Variants in GATB observed in about 807,000 individuals in gnomAD.
GATB encodes glutamyl-tRNA amidotransferase subunit B, also known as glutamyl-tRNA(Gln) amidotransferase subunit B, mitochondrial.
GATB carries 39 observed loss-of-function variants against 62.3 expected under a neutral mutation model. The observed-to-expected ratio is 0.63, with a 90% confidence interval of 0.48 to 0.82. The LOEUF is 0.82. GATB is among the 40% of genes least tolerant of loss of function. The pLI, the probability that GATB is intolerant of heterozygous loss-of-function variation, is 0.00. For missense variants in GATB, 670 were observed against 684.0 expected, an observed-to-expected ratio of 0.98 and a Z score of 0.23; for synonymous variants, 276 against 258.9, an observed-to-expected ratio of 1.07 and a Z score of -0.63.
chr4:151,727,481 T>C (rs1263258226), intron 2 of GATB, among the ~76,000 whole-genome samples: 1 of 152,234 alleles, frequency 6.6e-6, no homozygotes, highest in East Asian at 1.9e-4. Context: ...GAGGTTACAG[T>C]GGTTGGTGGC....
chr4:151,758,522 T>A (rs1359168304), intron 2 of GATB, among the ~76,000 whole-genome samples: 1 of 152,226 alleles, frequency 6.6e-6, no homozygotes, highest in African/African-American at 2.4e-5. Context: ...CAAAGCCCAA[T>A]GTCTGGTATT....
chr4:151,729,281 T>C (rs1739196895), intron 2 of GATB, among the ~76,000 whole-genome samples: 1 of 149,600 alleles, frequency 6.7e-6, no homozygotes, highest in African/African-American at 2.5e-5. Context: ...GTCAATGTCA[T>C]GAAGAAAGGA....
intron 2 of GATB, among the ~76,000 whole-genome samples, chr4:151,732,149 C>T (rs1166675366): frequency 2.0e-5 from 3 of 150,782 alleles, no homozygotes; most frequent in Admixed American, 6.6e-5. Flanking sequence ...AGGTGGGGGG[C>T]GCCTCTGCCC....
intron 2 of GATB, among the ~76,000 whole-genome samples, chr4:151,744,634 G>A (rs1027680945): frequency 6.6e-6 from 1 of 152,114 alleles, no homozygotes; most frequent in African/African-American, 2.4e-5. Flanking sequence ...AATATGGTTA[G>A]GTTTCAGGTG....
At chr4:151,736,227 G>A (rs987838276) in intron 2 of GATB, among the ~76,000 whole-genome samples, 10 of 152,192 alleles carry the variant, frequency 6.6e-5, no homozygotes, top group Non-Finnish European at 1.5e-4. Context: ...AATCTGTTAA[G>A]AGAATTCCAC....
intron 2 of GATB, among the ~76,000 whole-genome samples, chr4:151,745,195 T>C (rs976697215): frequency 3.3e-5 from 5 of 152,256 alleles, no homozygotes; most frequent in Admixed American, 2.0e-4. Context: ...TAAGTGTGAA[T>C]GGACGGAGAG....
At chr4:151,738,992 T>G (rs1201883310) in intron 2 of GATB, among the ~76,000 whole-genome samples, 1 of 152,210 alleles carries the variant, frequency 6.6e-6, no homozygotes, top group Non-Finnish European at 1.5e-5. Flanking sequence ...CCTTGCTCAT[T>G]GGGATGGCCT....
At chr4:151,744,442 G>A in intron 2 of GATB, among the ~76,000 whole-genome samples, 1 of 152,114 alleles carries the variant, frequency 6.6e-6, no homozygotes, top group East Asian at 1.9e-4. Flanking sequence ...TCAACTGTAT[G>A]AAACAAATAC....
chr4:151,760,506 G>C (rs1739931199), intron 1 of GATB, among the ~76,000 whole-genome samples: 1 of 152,180 alleles, frequency 6.6e-6, no homozygotes, highest in Admixed American at 6.5e-5. Flanking sequence ...CCCACTGCTA[G>C]TGCTATTAGT....
At chr4:151,710,940 C>T (rs1738806217) in intron 5 of GATB, among the ~76,000 whole-genome samples, 1 of 152,202 alleles carries the variant, frequency 6.6e-6, no homozygotes, top group African/African-American at 2.4e-5. Context: ...GTTTCACAGG[C>T]ATCTCAATTT....
At chr4:151,682,608 G>A (rs1474740765) in intron 10 of GATB, among the ~76,000 whole-genome samples, 2 of 151,946 alleles carry the variant, frequency 1.3e-5, no homozygotes, top group Non-Finnish European at 2.9e-5. Flanking sequence ...AATTTGTCCA[G>A]TCCCTCAGAG....
chr4:151,705,675 G>A lies in GATB; in HGVS notation c.878-406C>T, dbSNP rs1738701294. On this transcript the variant is annotated intron_variant, in intron 6 of 12. Coordinates refer to ENST00000263985, the MANE Select transcript of GATB (RefSeq NM_004564.3). ...ATTATACACAAAGTGTGGGTTGTGT[G>A]CATATGTGCAGGTTTTGGAGAGAGG... Among the ~76,000 whole-genome samples the A allele has an allele frequency of 2.0e-5, 3 of 152,170 alleles. No individual in the cohort carries two copies. The South Asian group carries it at 6.2e-4, about 32-fold the overall frequency.
intron 2 of GATB, among the ~76,000 whole-genome samples, chr4:151,753,611 C>T (rs997329376): frequency 2.6e-5 from 4 of 151,636 alleles, no homozygotes; most frequent in African/African-American, 9.7e-5. Context: ...TCATATTAAT[C>T]AAAAGCCTCT....
chr4:151,686,483 C>T (rs1307790794), intron 10 of GATB, among the ~76,000 whole-genome samples: 1 of 151,840 alleles, frequency 6.6e-6, no homozygotes, highest in Non-Finnish European at 1.5e-5. Flanking sequence ...AATGACACAC[C>T]CACCCAGCCT....
At chr4:151,686,377 T>C (rs753294650) in intron 10 of GATB, among the ~76,000 whole-genome samples, 2 of 151,758 alleles carry the variant, frequency 1.3e-5, no homozygotes, top group Non-Finnish European at 2.9e-5. Context: ...GAACATGGAG[T>C]TGACACCATC....
chr4:151,671,322 T>C lies in GATB; in HGVS notation c.1546-20A>G, dbSNP rs1235452122. On this transcript the variant is annotated intron_variant, in intron 12 of 12. Transcript: ENST00000263985. ...CATTACCTAGAAGGACAGAAATTAC[T>C]TACTTAAGAGGAGAAAATGAAGGGA... The C allele has an allele frequency of 3.7e-6, 6 of 1,611,522 alleles. No homozygotes were observed. The Middle Eastern group carries it at 9.9e-4, about 266-fold the overall frequency.
intron 2 of GATB, among the ~76,000 whole-genome samples, chr4:151,725,005 G>C (rs993930231): frequency 5.9e-5 from 9 of 152,186 alleles, no homozygotes; most frequent in African/African-American, 9.7e-5. Context: ...TTTTAACACA[G>C]AGGCTTTATT....
Position 151,703,823 on chromosome 4 carries a change from G to C in GATB, c.1007+28C>G, listed in dbSNP as rs781052868. 2.0e-6 allele frequency: 3 copies of C among 1,480,868 alleles called. No homozygotes were observed. The South Asian group carries it at 3.4e-5, about 17-fold the overall frequency. The allele number at this position is 1,480,868 out of a possible 1,614,324, so 91.7% of individuals were successfully genotyped here. ...AATACGCCCCAGCCCCCGATATATA[G>C]CGGTATTTTGCCATAAGGAGTAACC... On this transcript the variant is annotated intron_variant, in intron 8 of 12. Coordinates refer to ENST00000263985, the MANE Select transcript of GATB (RefSeq NM_004564.3).
intron 8 of GATB, chr4:151,703,501 A>G: frequency 3.4e-6 from 1 of 290,406 alleles, no homozygotes; most frequent in South Asian, 5.0e-5. Context: ...CATTCAGCGT[A>G]TTACTGAATC....
Sources: gnomAD v4.1 joint callset for allele counts (sites outside exome capture counted in the v4.1 genomes callset) on GRCh38, gnomAD v4.1.1 for gene constraint, MANE v1.5 for transcripts, NCBI Gene and HGNC (gene_info 2026-07-23, HGNC 2026-07-21) for gene names.